COL11A1: variants seen among roughly 807,000 people sequenced by gnomAD.
The protein encoded by COL11A1 is collagen type XI alpha 1 chain.
Under a neutral mutation model 265.2 loss-of-function variants are expected in COL11A1, and 74 were observed. That is an observed-to-expected ratio of 0.28 (90% CI 0.23 to 0.34). COL11A1 has a LOEUF of 0.34. Ranked by LOEUF, COL11A1 falls within the 10% of genes least tolerant of loss-of-function variation. The probability of loss-of-function intolerance (pLI) is 1.00; values close to 1 mark genes in which losing one functional copy is unlikely to be tolerated. For missense variants in COL11A1, 2,165 were observed against 2,263.6 expected (o/e 0.96, Z 0.88); for synonymous variants, 816 against 727.6 (o/e 1.12, Z -1.96).
At chr1:102,990,021 C>CA (rs1432701063) in intron 28 of COL11A1, among the ~76,000 whole-genome samples, 1 of 151,880 alleles carries the variant, frequency 6.6e-6, no homozygotes, top group Non-Finnish European at 1.5e-5. Context: ...CCCATCTCTA[C>CA]AAAAAATACA....
Position 102,879,812 on chromosome 1 carries a change from A to T in COL11A1, c.5145T>A (p.His1715Gln). 1 of 1,614,050 alleles carries T rather than the reference A, an allele frequency of 6.2e-7. No homozygotes were observed. The highest frequency in any genetic ancestry group is 1.3e-5 in the African/African-American group (1 of 75,050). ...SARQNFTYHC[H>Q]QSAAWYDVSS... is the part of the protein sequence containing the mutation. ...ACACATCATACCAGGCTGCTGACTG[A>T]TGACAGTGGTAGGTGAAATTTTGCC... Residue 1715 changes from histidine (H) to glutamine (Q), a missense_variant, in exon 66 of 67, where the codon CAT becomes CAA. Physicochemically the swap from His to Gln is conservative, Grantham distance 24 (BLOSUM62 0). Transcript: ENST00000370096.
rs950573271 is a variant in COL11A1, at chr1:102,997,144, A to G, written c.2197-20T>C. The G allele has an allele frequency of 6.9e-6, 11 of 1,594,028 alleles. No individual in the cohort carries two copies. The highest frequency in any genetic ancestry group is 9.5e-6 in the Non-Finnish European group (11 of 1,162,304). On this transcript the variant is annotated intron_variant, in intron 25 of 66. Transcript: ENST00000370096. ...ATGACCCTATATTTAGCAAAAACAT[A>G]CACTGATAAGATGTAATATAAACAT...
intron 50 of COL11A1, 76 bp downstream of exon 50, chr1:102,915,555 T>C: frequency 1.6e-6 from 2 of 1,229,894 alleles, no homozygotes; most frequent in Non-Finnish European, 2.4e-6. Flanking sequence ...AGCTAAGAGT[T>C]GTTACATGTT....
rs147228230 is a variant in COL11A1 at position 102,962,393 on chromosome 1, T to G, written c.3025-128A>C. 56 of 811,308 alleles carry G rather than the reference T, an allele frequency of 6.9e-5. 1 individual carries two copies. The East Asian group carries it at 7.9e-4, about 11-fold the overall frequency. The allele number at this position is 811,308 out of a possible 1,614,324, so 50.3% of individuals were successfully genotyped here. On this transcript the variant is annotated intron_variant, in intron 39 of 66. Transcript: ENST00000370096. ...ATTATTTAATGATGAGAATATTGGG[T>G]GGAATGCCATATGCATTAAAATGAA... is the stretch of plus-strand genomic sequence containing the variant.
intron 1 of COL11A1, among the ~76,000 whole-genome samples, chr1:103,107,842 C>T (rs1043008186): frequency 2.6e-5 from 4 of 152,086 alleles, no homozygotes; most frequent in Non-Finnish European, 4.4e-5. Flanking sequence ...CCTGACAGAT[C>T]TTTTTTTCCT....
At chr1:103,029,737 G>A (rs1667828711) in intron 5 of COL11A1, among the ~76,000 whole-genome samples, 1 of 151,896 alleles carries the variant, frequency 6.6e-6, no homozygotes, top group Non-Finnish European at 1.5e-5. Flanking sequence ...AAATATACAT[G>A]TCAACAACTA....
intron 1 of COL11A1, among the ~76,000 whole-genome samples, chr1:103,093,488 C>T (rs1414523406): frequency 6.6e-6 from 1 of 151,916 alleles, no homozygotes; most frequent in Non-Finnish European, 1.5e-5. Context: ...AAGTGAGCAC[C>T]AGGATTTAAG....
chr1:103,010,708 T>G (rs1666040431), intron 14 of COL11A1, among the ~76,000 whole-genome samples: 1 of 151,926 alleles, frequency 6.6e-6, no homozygotes, highest in African/African-American at 2.4e-5. Context: ...TGTAAATTTT[T>G]TTTTTTTTTT....
chr1:102,890,264 T>A (rs1032992018), intron 58 of COL11A1, among the ~76,000 whole-genome samples, 187 bp downstream of exon 58: 43 of 152,212 alleles, frequency 2.8e-4, no homozygotes, highest in Admixed American at 2.6e-3. Flanking sequence ...TTCCAGCACA[T>A]TTTTCACTAT....
At chr1:102,979,183 CAAG>C in intron 32 of COL11A1, 79 bp from the exon 33 acceptor site, 1 of 1,351,376 alleles carries the variant, frequency 7.4e-7, no homozygotes, top group South Asian at 1.2e-5. Context: ...AGTAGTCATG[CAAG>C]AACATCATTC....
chr1:102,975,894 C>A (rs1279391569), intron 35 of COL11A1, among the ~76,000 whole-genome samples: 1 of 152,034 alleles, frequency 6.6e-6, no homozygotes, highest in East Asian at 1.9e-4. Flanking sequence ...CAGAAATCAT[C>A]ACAAGTTTTT....
intron 47 of COL11A1, among the ~76,000 whole-genome samples, 180 bp downstream of exon 47, chr1:102,923,156 C>T (rs545527045): frequency 2.2e-4 from 34 of 152,232 alleles, no homozygotes; most frequent in African/African-American, 8.2e-4. Context: ...ATTACCTATT[C>T]TCTACCTGCT....
chr1:103,015,102 T>C (rs752651009), intron 12 of COL11A1, among the ~76,000 whole-genome samples: 1 of 152,090 alleles, frequency 6.6e-6, no homozygotes, highest in Non-Finnish European at 1.5e-5. Context: ...TATTCCTCTA[T>C]AAAATTTGCT....
chr1:102,950,362 A>G (rs933625887), intron 41 of COL11A1, among the ~76,000 whole-genome samples: 1 of 152,124 alleles, frequency 6.6e-6, no homozygotes, highest in Admixed American at 6.5e-5. Flanking sequence ...GGACGTTTTC[A>G]CTTTTGGTAA....
intron 26 of COL11A1, 145 bp downstream of exon 26, chr1:102,996,935 A>G: frequency 1.4e-6 from 1 of 711,894 alleles, no homozygotes. Context: ...AATTACTGAT[A>G]TAAAATTAAA....
chr1:103,013,367 A>G (rs529129828), intron 13 of COL11A1, among the ~76,000 whole-genome samples: 7 of 152,074 alleles, frequency 4.6e-5, no homozygotes, highest in African/African-American at 1.7e-4. Context: ...CTATTTTTCA[A>G]GTAGGTTAAG....
At chr1:102,937,635 A>G (rs1055153157) in intron 44 of COL11A1, among the ~76,000 whole-genome samples, 1 of 152,092 alleles carries the variant, frequency 6.6e-6, no homozygotes, top group Non-Finnish European at 1.5e-5. Context: ...TTTTAAAGTC[A>G]GCACTCCTGT....
chr1:103,015,880 G>C, intron 11 of COL11A1, 138 bp from the exon 12 acceptor site: 1 of 585,470 alleles, frequency 1.7e-6, no homozygotes, highest in South Asian at 2.2e-5. Context: ...TTTTTAGTAA[G>C]TATACCTAGA....
intron 4 of COL11A1, among the ~76,000 whole-genome samples, chr1:103,061,556 C>T (rs1292263871): frequency 6.6e-6 from 1 of 151,872 alleles, no homozygotes; most frequent in Non-Finnish European, 1.5e-5. Flanking sequence ...TGCTCTCAAA[C>T]CGTAACAGAA....
Sources: allele counts gnomAD v4.1 joint callset (sites outside exome capture counted in the v4.1 genomes callset), GRCh38; gene constraint gnomAD v4.1.1; transcripts MANE v1.5; gene names NCBI Gene and HGNC (gene_info 2026-07-23, HGNC 2026-07-21).